ORMDL1: variants seen among roughly 807,000 people sequenced by gnomAD.
ORMDL1 encodes the protein ORMDL sphingolipid biosynthesis regulator 1.
A neutral mutation model predicts 13.0 loss-of-function variants in ORMDL1; 10 were observed. The observed-to-expected ratio is 0.77, with a 90% confidence interval of 0.47 to 1.30. The LOEUF is 1.30. ORMDL1 is among the 50% of genes most tolerant of loss of function. The pLI, the probability that ORMDL1 is intolerant of heterozygous loss-of-function variation, is 0.00. For missense variants in ORMDL1, 171 were observed against 186.7 expected, an observed-to-expected ratio of 0.92 and a Z score of 0.49; for synonymous variants, 61 against 63.9, an observed-to-expected ratio of 0.95 and a Z score of 0.22.
intron 1 of ORMDL1, among the ~76,000 whole-genome samples, chr2:189,783,894 G>C (rs532374079): frequency 5.3e-5 from 8 of 152,316 alleles, no homozygotes; most frequent in African/African-American, 1.9e-4. Flanking sequence ...AGAGGCTGTT[G>C]GCTCTGCCCT....
At chr2:189,780,456 G>A (rs2047797998) in intron 3 of ORMDL1, among the ~76,000 whole-genome samples, 1 of 151,954 alleles carries the variant, frequency 6.6e-6, no homozygotes, top group Non-Finnish European at 1.5e-5. Context: ...TCAGGAATAA[G>A]ATAAGTTCCA....
downstream of ORMDL1, among the ~76,000 whole-genome samples, chr2:189,769,164 G>T (rs772913762): frequency 1.3e-5 from 2 of 152,262 alleles, no homozygotes; most frequent in African/African-American, 4.8e-5. Flanking sequence ...GAAGCGGGCA[G>T]ATCACTTGAG....
chr2:189,776,611 T>C (rs971114718), intron 3 of ORMDL1, among the ~76,000 whole-genome samples: 5 of 152,142 alleles, frequency 3.3e-5, no homozygotes, highest in African/African-American at 9.7e-5. Flanking sequence ...CTTTTAATGA[T>C]TATATAGAAA....
At chr2:189,773,066 A>C (rs2047613902) in intron 4 of ORMDL1, among the ~76,000 whole-genome samples, 1 of 152,266 alleles carries the variant, frequency 6.6e-6, no homozygotes, top group African/African-American at 2.4e-5. Flanking sequence ...ACTTGCATTT[A>C]GCAAACTCAT....
Position 189,771,651 on chromosome 2 carries a change from C to A in ORMDL1, c.*116G>T. The A allele has an allele frequency of 1.1e-6, 1 of 920,318 alleles. No homozygotes were observed. Among genetic ancestry groups the A allele is most frequent in the Non-Finnish European group, 1.6e-6 (1 of 643,340 alleles). 57.0% of individuals were successfully genotyped at this position (920,318 alleles called of 1,614,324 possible). A position where few individuals can be genotyped will look rare whatever the true frequency, so the allele number is the denominator to read the frequency against. ...GCACTTGAAGGACCAGCCATTGGCC[C>A]TCCAATGTAAATACTTCTCATTTCA... is the stretch of plus-strand genomic sequence containing the variant. On this transcript the variant is annotated 3_prime_UTR_variant, in exon 5 of 5. Coordinates refer to ENST00000392349, the MANE Select transcript of ORMDL1 (RefSeq NM_016467.5).
intron 4 of ORMDL1, chr2:189,775,060 A>C (rs2047662511): frequency 6.6e-6 from 1 of 152,228 alleles, no homozygotes; most frequent in Non-Finnish European, 1.5e-5. Flanking sequence ...ATATATGAGC[A>C]AACCAAGCTG....
chr2:189,775,577 G>T lies in ORMDL1; in HGVS notation c.314C>A (p.Ser105Tyr), dbSNP rs199589317. ...TTCTGCCACTTACAGAATTATTGGA[G>T]AAATTGTGAAAAACTTCCGTGAAGA... is the stretch of plus-strand genomic sequence containing the variant. ...FTSSRKFFTI[S>Y]PIILYFLASF... is the part of the protein sequence containing the mutation. Residue 105 changes from serine (S) to tyrosine (Y), a missense_variant, in exon 4 of 5, where the codon TCT (serine) becomes TAT (tyrosine). Coordinates refer to ENST00000392349, the MANE Select transcript of ORMDL1 (RefSeq NM_016467.5). 8 of 1,600,654 alleles carry T rather than the reference G, an allele frequency of 5.0e-6. No individual in the cohort carries two copies. Among genetic ancestry groups the T allele is most frequent in the African/African-American group, 1.3e-5 (1 of 74,188 alleles).
In ORMDL1 at chr2:189,777,576, C is replaced by T. The variant is rs186780028; in HGVS notation, c.175-1860G>A. ...AATAAAATCTTATCTGGCCATATAT[C>T]TACTGCCCCAATATTTTTTAAATTG... On this transcript the variant is annotated intron_variant, in intron 3 of 4. Coordinates refer to ENST00000392349, the MANE Select transcript of ORMDL1 (RefSeq NM_016467.5). Among the ~76,000 whole-genome samples the T allele has an allele frequency of 6.3e-3, 956 of 152,264 alleles. 9 individuals are homozygous for T. The highest frequency in any genetic ancestry group is 0.022 in the African/African-American group (909 of 41,532).
At chr2:189,766,774 T>C (rs938085278), downstream of ORMDL1, among the ~76,000 whole-genome samples, 6 of 152,120 alleles carry the variant, frequency 3.9e-5, no homozygotes, top group African/African-American at 1.4e-4. Context: ...TCCCATTCCT[T>C]CTGCCTTCCA....
chr2:189,776,161 A>T (rs1177076089), intron 3 of ORMDL1, among the ~76,000 whole-genome samples: 1 of 152,198 alleles, frequency 6.6e-6, no homozygotes, highest in Non-Finnish European at 1.5e-5. Context: ...AAATGATTAA[A>T]ATCTATTGGG....
In ORMDL1 at chr2:189,782,548, G is replaced by T. The variant is rs148677149; in HGVS notation, c.48C>A (p.Val16=). 12 of 1,614,204 alleles carry T rather than the reference G, an allele frequency of 7.4e-6. No homozygotes were observed. Among genetic ancestry groups the T allele is most frequent in the South Asian group, 3.3e-5 (3 of 91,088 alleles). ...AHSEVNPNTR[V]MNSRGMWLTY... is the part of the protein sequence containing the mutation. ...TCAGCCACATACCCCGGCTGTTCATGACACGGGTATTTGGATTCACTTCAC... is the reference window on the plus strand; with the variant it reads ...TCAGCCACATACCCCGGCTGTTCATTACACGGGTATTTGGATTCACTTCAC... Residue 16 remains valine (V), a synonymous_variant, in exon 3 of 5, where the codon GTC becomes GTA. Coordinates refer to ENST00000392349, the MANE Select transcript of ORMDL1 (RefSeq NM_016467.5).
chr2:189,776,093 A>T (rs114173125), intron 3 of ORMDL1, among the ~76,000 whole-genome samples: 1,829 of 152,306 alleles, frequency 0.012, 45 homozygotes, highest in African/African-American at 0.042. Flanking sequence ...AGGGTATATT[A>T]GTAAATTTGA....
chr2:189,782,798 G>T, intron 2 of ORMDL1, 196 bp from the exon 3 acceptor site: 1 of 497,906 alleles, frequency 2.0e-6, no homozygotes, highest in Non-Finnish European at 3.6e-6. Flanking sequence ...TTTGACTTTA[G>T]GGTAAGACAA....
downstream of ORMDL1, among the ~76,000 whole-genome samples, chr2:189,769,379 C>T (rs1276840587): frequency 1.6e-5 from 2 of 126,908 alleles, no homozygotes; most frequent in South Asian, 2.9e-4. Flanking sequence ...AAAAAAAACC[C>T]GGCTCCAGCC....
chr2:189,775,783 T>C, intron 3 of ORMDL1, 67 bp from the exon 4 acceptor site: 1 of 1,482,290 alleles, frequency 6.7e-7, no homozygotes, highest in Non-Finnish European at 9.1e-7. Context: ...GTCAGTAGCA[T>C]TAACGAGGTT....
intron 3 of ORMDL1, among the ~76,000 whole-genome samples, chr2:189,781,237 T>G (rs1030226870): frequency 2.6e-5 from 4 of 152,196 alleles, no homozygotes; most frequent in Non-Finnish European, 5.9e-5. Context: ...TAAATATTAA[T>G]TTTTAAAAAT....
At chr2:189,782,660 A>C in intron 2 of ORMDL1, 58 bp from the exon 3 acceptor site, 1 of 1,478,444 alleles carries the variant, frequency 6.8e-7, no homozygotes, top group Non-Finnish European at 9.3e-7. Flanking sequence ...AACACCCCCA[A>C]TTCTGACATG....
At chr2:189,766,221 G>T (rs2047481132), downstream of ORMDL1, among the ~76,000 whole-genome samples, 1 of 152,168 alleles carries the variant, frequency 6.6e-6, no homozygotes, top group Non-Finnish European at 1.5e-5. Flanking sequence ...GTCTTTGGAA[G>T]ATATTTTGGG....
chr2:189,771,876 T>C lies in ORMDL1; in HGVS notation c.353A>G (p.Lys118Arg). 6.2e-7 allele frequency: 1 copy of C among 1,601,104 alleles called. No homozygotes were observed. The highest frequency in any genetic ancestry group is 8.5e-7 in the Non-Finnish European group (1 of 1,172,494). ...TAGGATGAAGTGAGTTGGATCATAC[T>C]TCGTATAGAAACTTGCCAGAAAATA... ...ILYFLASFYT[K>R]YDPTHFILNT... is the part of the protein sequence containing the mutation. Residue 118 changes from lysine to arginine, a missense_variant, in exon 5 of 5, where the codon AAG (lysine) becomes AGG (arginine). Lys to Arg is a conservative substitution (Grantham distance 26). Coordinates refer to ENST00000392349, the MANE Select transcript of ORMDL1 (RefSeq NM_016467.5).
Sources: allele counts gnomAD v4.1 joint callset (sites outside exome capture counted in the v4.1 genomes callset), GRCh38; gene constraint gnomAD v4.1.1; transcripts MANE v1.5; gene names NCBI Gene and HGNC (gene_info 2026-07-23, HGNC 2026-07-21).